ANO3: variants seen among roughly 807,000 people sequenced by gnomAD.
ANO3 encodes anoctamin-3.
In ANO3, 99 loss-of-function variants were observed where a neutral mutation model predicts 144.8. The observed-to-expected ratio is 0.68, with a 90% CI of 0.58 to 0.81. The LOEUF (loss-of-function observed/expected upper bound fraction) is 0.81. Ranked by LOEUF, ANO3 falls within the 30% of genes least tolerant of loss-of-function variation. ANO3 has a pLI of 0.00. For synonymous variants in ANO3, 414 were observed against 392.6 expected, an observed-to-expected ratio of 1.05 and a Z score of -0.64; for missense variants, 905 against 1,202.2, an observed-to-expected ratio of 0.75 and a Z score of 3.66.
At chr11:26,212,352 G>GT (rs534460635) in intron 1 of ANO3, among the ~76,000 whole-genome samples, 58 of 148,504 alleles carry the variant, frequency 3.9e-4, no homozygotes, top group Admixed American at 1.4e-3. Context: ...TCCAGGAGCT[G>GT]TTTTTTTTTC....
chr11:26,205,020 A>G (rs1851769724), intron 1 of ANO3, among the ~76,000 whole-genome samples: 1 of 152,152 alleles, frequency 6.6e-6, no homozygotes, highest in South Asian at 2.1e-4. Context: ...GAGGAACCAA[A>G]CGAGTCCTTC....
chr11:26,452,282 G>A (rs1259272658), intron 3 of ANO3, among the ~76,000 whole-genome samples: 3 of 151,614 alleles, frequency 2.0e-5, no homozygotes, highest in South Asian at 2.1e-4. Context: ...ATCAAACTAC[G>A]AGCTACAGGA....
At chr11:26,263,140 T>C (rs976442669) in intron 1 of ANO3, among the ~76,000 whole-genome samples, 3 of 152,218 alleles carry the variant, frequency 2.0e-5, no homozygotes, top group African/African-American at 7.2e-5. Context: ...TTTCTTTTGA[T>C]TTCTATTTTA....
At chr11:26,563,391 C>G in intron 14 of ANO3, 2 of 840,862 alleles carry the variant, frequency 2.4e-6, no homozygotes, top group Non-Finnish European at 3.3e-6. Flanking sequence ...GTGTGTTTCT[C>G]TCTCTGTGTG....
chr11:26,378,200 A>G (rs891423948), intron 1 of ANO3, among the ~76,000 whole-genome samples: 9 of 151,590 alleles, frequency 5.9e-5, no homozygotes, highest in Non-Finnish European at 1.3e-4. Context: ...ATAAATCTCA[A>G]CTAATGGGCA....
rs190629138 is a variant in ANO3 at position 26,591,210 on chromosome 11, C to T, written c.1448-7155C>T. 3.9e-5 allele frequency among the ~76,000 whole-genome samples: 6 copies of T among 152,176 alleles called. No homozygotes were observed. The East Asian group carries it at 9.7e-4, about 25-fold the overall frequency. ...ATCCAGCTAGTACTGCCTCTCAGTC[C>T]CCACTCTCAACAGGAAAACTCAAGT... On this transcript the variant is annotated intron_variant, in intron 14 of 26. Transcript: ENST00000256737.
chr11:26,548,858 C>G (rs1849855718), intron 12 of ANO3, among the ~76,000 whole-genome samples: 1 of 151,804 alleles, frequency 6.6e-6, no homozygotes. Flanking sequence ...CCGGAAACAT[C>G]CATCCTCCTT....
At chr11:26,595,889 A>G (rs1216367504) in intron 14 of ANO3, among the ~76,000 whole-genome samples, 1 of 152,156 alleles carries the variant, frequency 6.6e-6, no homozygotes, top group Non-Finnish European at 1.5e-5. Flanking sequence ...GGTTTCCTCT[A>G]AAGGTTATTT....
intron 4 of ANO3, among the ~76,000 whole-genome samples, chr11:26,470,508 A>G (rs1590389451): frequency 6.6e-6 from 1 of 151,826 alleles, no homozygotes. Context: ...GTGGGGGAGG[A>G]CCACTTCCAG....
At chr11:26,478,394 A>C (rs572067794) in intron 4 of ANO3, among the ~76,000 whole-genome samples, 1 of 152,296 alleles carries the variant, frequency 6.6e-6, no homozygotes, top group Non-Finnish European at 1.5e-5. Flanking sequence ...GAGACTTTAC[A>C]TATTGATGTA....
chr11:26,320,805 C>T (rs79645943), intron 1 of ANO3, among the ~76,000 whole-genome samples: 2,014 of 152,142 alleles, frequency 0.013, 36 homozygotes, highest in African/African-American at 0.043. Flanking sequence ...TACCTGGAAT[C>T]ACTTTGACCA....
At chr11:26,553,376 G>A (rs376585189) in intron 13 of ANO3, 31 bp downstream of exon 13, 28 of 1,475,556 alleles carry the variant, frequency 1.9e-5, no homozygotes, top group Non-Finnish European at 2.5e-5. Context: ...TCTCCTCCCT[G>A]AGCTGTACTG....
intron 17 of ANO3, among the ~76,000 whole-genome samples, chr11:26,618,442 G>A (rs1205083174): frequency 6.6e-6 from 1 of 152,076 alleles, no homozygotes; most frequent in African/African-American, 2.4e-5. Context: ...GACTGTTGCA[G>A]CAGGCTTCCT....
At chr11:26,231,356 AC>A (rs1852395898) in intron 1 of ANO3, among the ~76,000 whole-genome samples, 1 of 152,160 alleles carries the variant, frequency 6.6e-6, no homozygotes, top group African/African-American at 2.4e-5. Flanking sequence ...CTTAAATGAA[AC>A]AGAGGCAGAT....
At chr11:26,189,805 T>C (rs1361172416) in intron 1 of ANO3, among the ~76,000 whole-genome samples, 1 of 152,208 alleles carries the variant, frequency 6.6e-6, no homozygotes, top group Non-Finnish European at 1.5e-5. Context: ...AGTTATTTTA[T>C]GATCTGATTT....
At chr11:26,634,980 T>C in intron 19 of ANO3, 33 bp from the exon 20 acceptor site, 1 of 1,586,124 alleles carries the variant, frequency 6.3e-7, no homozygotes, top group South Asian at 1.1e-5. Context: ...GAACCCCACT[T>C]AAATGCTAAT....
chr11:26,540,966 A>C (rs1849627528), intron 10 of ANO3, among the ~76,000 whole-genome samples: 1 of 152,218 alleles, frequency 6.6e-6, no homozygotes, highest in Non-Finnish European at 1.5e-5. Context: ...AAAGGATTAT[A>C]AATCATTCTA....
chr11:26,485,642 C>G (rs7121768), intron 4 of ANO3, among the ~76,000 whole-genome samples: 148,294 of 152,266 alleles, frequency 0.97, 72,317 homozygotes, highest in East Asian at 1. Flanking sequence ...ATGCTTGGTC[C>G]TTTGTATGAC....
chr11:26,529,927 G>A (rs1327093842), intron 7 of ANO3, among the ~76,000 whole-genome samples: 1 of 152,090 alleles, frequency 6.6e-6, no homozygotes, highest in Non-Finnish European at 1.5e-5. Context: ...TGTCCAAATG[G>A]TATATGCCAG....
Sources: allele counts gnomAD v4.1 joint callset (sites outside exome capture counted in the v4.1 genomes callset), GRCh38; gene constraint gnomAD v4.1.1; transcripts MANE v1.5; gene names NCBI Gene and HGNC (gene_info 2026-07-23, HGNC 2026-07-21).